Variants in PRKDC observed in about 807,000 individuals in gnomAD.
PRKDC encodes the protein protein kinase, DNA-activated, catalytic subunit.
PRKDC carries 82 observed loss-of-function variants against 486.9 expected under a neutral mutation model. The observed-to-expected ratio is 0.17, with a 90% CI of 0.14 to 0.20. The LOEUF (loss-of-function observed/expected upper bound fraction) is 0.20. Among genes scored for constraint, PRKDC ranks in the 10% least tolerant of loss-of-function variants. The pLI, the probability that PRKDC is intolerant of heterozygous loss-of-function variation, is 1.00. For missense variants in PRKDC, 4,504 were observed against 5,038.2 expected, an observed-to-expected ratio of 0.89 and a Z score of 3.21; for synonymous variants, 1,895 against 1,837.0, an observed-to-expected ratio of 1.03 and a Z score of -0.81.
chr8:47,803,265 C>T, intron 70 of PRKDC, 41 bp downstream of exon 70: 1 of 1,552,840 alleles, frequency 6.4e-7, no homozygotes, highest in African/African-American at 1.4e-5. Flanking sequence ...CAATATAACA[C>T]AGCCCTTTAA....
At chr8:47,904,469 G>GT (rs2089736560) in intron 26 of PRKDC, among the ~76,000 whole-genome samples, 1 of 152,180 alleles carries the variant, frequency 6.6e-6, no homozygotes, top group Admixed American at 6.5e-5. Context: ...GGCCTGGTTG[G>GT]TTTCCAACTC....
At chr8:47,848,657 A>G (rs1188098231) in intron 54 of PRKDC, among the ~76,000 whole-genome samples, 1 of 152,188 alleles carries the variant, frequency 6.6e-6, no homozygotes, top group African/African-American at 2.4e-5. Flanking sequence ...AAAAATGAAA[A>G]AAAAAAAAAA....
Position 47,936,370 on chromosome 8 carries a change from A to G in PRKDC, c.1261T>C (p.Leu421=), listed in dbSNP as rs2154503799. The change falls in exon 12 of 86, where the codon TTG becomes CTG. Residue 421 remains leucine (L), a synonymous_variant. Transcript: ENST00000314191. ...PSFLQSVASV[L]LYLDTVPEVY... Reference sequence around the variant, plus strand: ...TCACTTACTGTGTCAAGGTACAGCAAGACGCTTGCAACAGACTGGAGGAAG... The same window carrying G: ...TCACTTACTGTGTCAAGGTACAGCAGGACGCTTGCAACAGACTGGAGGAAG... The G allele has an allele frequency of 6.2e-7, 1 of 1,612,712 alleles. No individual in the cohort carries two copies. The highest frequency in any genetic ancestry group is 8.5e-7 in the Non-Finnish European group (1 of 1,179,068).
intron 20 of PRKDC, 75 bp from the exon 21 acceptor site, chr8:47,927,428 T>G: frequency 6.8e-7 from 1 of 1,463,718 alleles, no homozygotes; most frequent in South Asian, 1.3e-5. Flanking sequence ...ACCAAGTAAT[T>G]GTGATTTCTA....
At chr8:47,945,024 A>G (rs956726060) in intron 7 of PRKDC, among the ~76,000 whole-genome samples, 2 of 152,240 alleles carry the variant, frequency 1.3e-5, no homozygotes, top group African/African-American at 4.8e-5. Context: ...TAAGACTGAA[A>G]GAATAGGTAC....
In PRKDC at chr8:47,782,972, G is replaced by C. The variant is rs1047404891; in HGVS notation, c.11176-374C>G. 1.7e-5 allele frequency: 4 copies of C among 231,462 alleles called. No individual in the cohort carries two copies. In the South Asian group the frequency reaches 2.8e-4, roughly 16 times the overall value. The allele number at this position is 231,462 out of a possible 1,614,324, so 14.3% of individuals were successfully genotyped here. ...ATAGAACTGTTGTTCAAACACTGGA[G>C]ACATAATATATTAAGAAACCCAGGG... On this transcript the variant is annotated intron_variant, in intron 78 of 85. Coordinates refer to ENST00000314191, the MANE Select transcript of PRKDC (RefSeq NM_006904.7). This position sits in a 1 kb window ranked among gnomAD's most constrained non-coding sequence, Gnocchi z 4.9.
rs1207360305 is a variant in PRKDC, at chr8:47,918,393, G to A, written c.2420-10C>T. 5 of 1,491,972 alleles carry A rather than the reference G, an allele frequency of 3.4e-6. No individual in the cohort carries two copies. The highest frequency in any genetic ancestry group is 4.5e-6 in the Non-Finnish European group (5 of 1,109,786). 92.4% of individuals were successfully genotyped at this position (1,491,972 alleles called of 1,614,324 possible). On this transcript the variant is annotated splice_polypyrimidine_tract_variant and intron_variant, in intron 21 of 85. Transcript: ENST00000314191. ...TTATTCTTGGTCTCATCTATCAATAGTAAACGAAAATAAATTTAAAATAGC... is the reference window on the plus strand; with the variant it reads ...TTATTCTTGGTCTCATCTATCAATAATAAACGAAAATAAATTTAAAATAGC...
At chr8:47,889,621 T>C (rs2089414248) in intron 32 of PRKDC, among the ~76,000 whole-genome samples, 1 of 152,276 alleles carries the variant, frequency 6.6e-6, no homozygotes, top group Non-Finnish European at 1.5e-5. Context: ...GGAGTTTGTT[T>C]ATACAATAAG....
At chr8:47,816,803 T>C (rs2087457259) in intron 68 of PRKDC, among the ~76,000 whole-genome samples, 1 of 149,860 alleles carries the variant, frequency 6.7e-6, no homozygotes, top group South Asian at 2.1e-4. Flanking sequence ...CAAGAACTCA[T>C]CTCAAAATAA....
At chr8:47,938,171 C>G (rs2090386071) in intron 11 of PRKDC, among the ~76,000 whole-genome samples, 1 of 151,506 alleles carries the variant, frequency 6.6e-6, no homozygotes, top group South Asian at 2.1e-4. Flanking sequence ...CTTTGGGAGG[C>G]CAAGGTGGGC....
chr8:47,774,464 T>C, intron 85 of PRKDC, 87 bp from the exon 86 acceptor site: 1 of 1,229,522 alleles, frequency 8.1e-7, no homozygotes, highest in Non-Finnish European at 1.1e-6. Flanking sequence ...CCAAACACAT[T>C]CCCCACGTCA....
Position 47,787,945 on chromosome 8 carries a change from A to G in PRKDC, c.10902+961T>C, listed in dbSNP as rs187124490. Among the ~76,000 whole-genome samples, 276 of 152,352 alleles carry G rather than the reference A, an allele frequency of 1.8e-3. 1 individual carries two copies. Among genetic ancestry groups the G allele is most frequent in the African/African-American group, 6.4e-3 (267 of 41,590 alleles). On this transcript the variant is annotated intron_variant, in intron 76 of 85. Coordinates refer to ENST00000314191, the MANE Select transcript of PRKDC (RefSeq NM_006904.7). The stretch of plus-strand genomic sequence containing the variant: ...GCTTTAAATGGATGACTTAAGGACC[A>G]TGTGAATTATATAGTAACAAAGCAG...
chr8:47,794,550 T>C, intron 73 of PRKDC, 49 bp from the exon 74 acceptor site: 1 of 1,429,122 alleles, frequency 7.0e-7, no homozygotes, highest in Non-Finnish European at 9.6e-7. Context: ...TCTCACATCA[T>C]CTGTTATAAA....
rs1029251650 is a variant in PRKDC, at chr8:47,852,120, A to C, written c.7005+553T>G. On this transcript the variant is annotated intron_variant, in intron 52 of 85. Coordinates refer to ENST00000314191, the MANE Select transcript of PRKDC (RefSeq NM_006904.7). ...GACAGAGCAAGAACCCAGCTCTAAAAAGACTTTAAAACAATAAAGAACATG... is the reference window on the plus strand; with the variant it reads ...GACAGAGCAAGAACCCAGCTCTAAACAGACTTTAAAACAATAAAGAACATG... Among the ~76,000 whole-genome samples, 16 of 152,300 alleles carry C rather than the reference A, an allele frequency of 1.1e-4. No individual in the cohort carries two copies. The East Asian group carries it at 3.1e-3, about 29-fold the overall frequency.
At chr8:47,881,290 G>C in intron 38 of PRKDC, 126 bp downstream of exon 38, 1 of 634,718 alleles carries the variant, frequency 1.6e-6, no homozygotes, top group Non-Finnish European at 2.8e-6. Context: ...GGGGATTACT[G>C]TGCTAGTCTC....
intron 66 of PRKDC, 41 bp downstream of exon 66, chr8:47,820,667 ATATATATACAC>A: frequency 1.1e-6 from 1 of 901,318 alleles, no homozygotes; most frequent in East Asian, 3.3e-5. Context: ...ACATTATAAT[ATATATATACAC>A]TATATATATA....
At chr8:47,879,773 G>T (rs2089170221) in intron 38 of PRKDC, 115 bp from the exon 39 acceptor site, 1 of 795,906 alleles carries the variant, frequency 1.3e-6, no homozygotes, top group African/African-American at 1.8e-5. Flanking sequence ...ATCAATGAAT[G>T]GCTTCACCAT....
rs2086835729 is a variant in PRKDC at position 47,788,777 on chromosome 8, A to G, written c.10902+129T>C. The G allele has an allele frequency of 4.9e-6, 5 of 1,012,792 alleles. No homozygotes were observed. The South Asian group carries it at 1.5e-4, about 31-fold the overall frequency. The allele number at this position is 1,012,792 out of a possible 1,614,324, so 62.7% of individuals were successfully genotyped here. ...AAGCATGAGACCTAAAGCATTCAACAGACATTTTAAATGCAGAACTGTTAA... is the reference window on the plus strand; with the variant it reads ...AAGCATGAGACCTAAAGCATTCAACGGACATTTTAAATGCAGAACTGTTAA... On this transcript the variant is annotated intron_variant, in intron 76 of 85. Transcript: ENST00000314191.
At chr8:47,907,396 CTA>C (rs368939598) in intron 25 of PRKDC, among the ~76,000 whole-genome samples, 52 of 144,132 alleles carry the variant, frequency 3.6e-4, no homozygotes, top group Admixed American at 6.0e-4. Flanking sequence ...GTATACATAG[CTA>C]TATATATATA....
Sources: allele counts gnomAD v4.1 joint callset (sites outside exome capture counted in the v4.1 genomes callset), GRCh38; gene constraint gnomAD v4.1.1; non-coding constraint Gnocchi (gnomAD v3.1); transcripts MANE v1.5; gene names NCBI Gene and HGNC (gene_info 2026-07-23, HGNC 2026-07-21).